Variants in HDAC9 observed in about 807,000 individuals in gnomAD.
HDAC9 encodes the protein histone deacetylase 9.
In HDAC9, 41 loss-of-function variants were observed where a neutral mutation model predicts 139.4. The observed-to-expected ratio is 0.29, with a 90% CI of 0.23 to 0.38. The LOEUF is 0.38. Among genes scored for constraint, HDAC9 ranks in the 10% least tolerant of loss-of-function variants. HDAC9 has a pLI of 1.00. For synonymous variants in HDAC9, 517 were observed against 476.2 expected, an observed-to-expected ratio of 1.09 and a Z score of -1.12; for missense variants, 1,147 against 1,297.0, an observed-to-expected ratio of 0.88 and a Z score of 1.78.
At chr7:18,231,247 G>T (rs1359389766) in intron 2 of HDAC9, among the ~76,000 whole-genome samples, 2 of 152,202 alleles carry the variant, frequency 1.3e-5, no homozygotes, top group African/African-American at 4.8e-5. Context: ...CATCCCACAA[G>T]AATTAAATTG....
At chr7:18,814,317 A>C (rs1221160839) in intron 17 of HDAC9, among the ~76,000 whole-genome samples, 1 of 152,216 alleles carries the variant, frequency 6.6e-6, no homozygotes, top group African/African-American at 2.4e-5. Flanking sequence ...GAATATTTAA[A>C]ATATAGAACA....
intron 6 of HDAC9, among the ~76,000 whole-genome samples, chr7:18,617,713 C>T (rs1839040019): frequency 6.6e-6 from 1 of 152,152 alleles, no homozygotes; most frequent in Non-Finnish European, 1.5e-5. Context: ...AGGACAGTAT[C>T]TTTAGCCTAT....
intron 1 of HDAC9, among the ~76,000 whole-genome samples, chr7:18,401,954 T>C (rs1191261576): frequency 6.6e-6 from 1 of 152,248 alleles, no homozygotes; most frequent in Non-Finnish European, 1.5e-5. Context: ...CACTGGCCTT[T>C]ATTTGCACAC....
chr7:18,285,788 G>T (rs17663430), upstream of HDAC9, among the ~76,000 whole-genome samples: 3,249 of 152,090 alleles, frequency 0.021, 51 homozygotes, highest in Middle Eastern at 0.038. Context: ...TGTTCCAGTG[G>T]TAGTTTTTCT....
chr7:18,330,311 A>G (rs1165808604), intron 1 of HDAC9, among the ~76,000 whole-genome samples: 3 of 151,510 alleles, frequency 2.0e-5, no homozygotes, highest in African/African-American at 7.3e-5. Flanking sequence ...ATTTGCCGGA[A>G]ATCTGAAACT....
intron 1 of HDAC9, among the ~76,000 whole-genome samples, chr7:18,137,517 G>A (rs975302100): frequency 2.0e-5 from 3 of 151,974 alleles, no homozygotes; most frequent in Admixed American, 6.6e-5. Flanking sequence ...AGCATGAAGG[G>A]TTGTTGAATT....
intron 2 of HDAC9, among the ~76,000 whole-genome samples, chr7:18,552,823 T>G (rs1259250981): frequency 6.6e-6 from 1 of 152,220 alleles, no homozygotes; most frequent in Non-Finnish European, 1.5e-5. Context: ...GAGGTAAACC[T>G]GTACCCGGCA....
chr7:18,686,356 T>A (rs903527816), intron 12 of HDAC9, among the ~76,000 whole-genome samples: 27 of 152,000 alleles, frequency 1.8e-4, no homozygotes, highest in African/African-American at 6.0e-4. Flanking sequence ...CTCCTATCAG[T>A]CAGGAAGTCA....
chr7:18,731,343 C>G (rs539966936), intron 13 of HDAC9, among the ~76,000 whole-genome samples: 1 of 151,924 alleles, frequency 6.6e-6, no homozygotes, highest in African/African-American at 2.4e-5. Flanking sequence ...TAAAGCTAGG[C>G]GGCTGGCTTA....
chr7:18,222,858 C>G (rs995948579), intron 2 of HDAC9, among the ~76,000 whole-genome samples: 2 of 152,104 alleles, frequency 1.3e-5, no homozygotes, highest in Non-Finnish European at 2.9e-5. Flanking sequence ...TTTTTGCACA[C>G]TTCTCTATTT....
chr7:18,677,641 T>C (rs534396486), intron 12 of HDAC9, among the ~76,000 whole-genome samples: 149 of 152,046 alleles, frequency 9.8e-4, no homozygotes, highest in Middle Eastern at 3.4e-3. Context: ...ACACTTGATA[T>C]TGTCGGGTTT....
At chr7:18,157,677 A>T (rs1181896195) in intron 1 of HDAC9, among the ~76,000 whole-genome samples, 1 of 152,214 alleles carries the variant, frequency 6.6e-6, no homozygotes, top group East Asian at 1.9e-4. Flanking sequence ...TAAGGTTTCC[A>T]TATTGGGTAA....
intron 23 of HDAC9, chr7:18,949,031 A>C: frequency 2.5e-6 from 1 of 404,658 alleles, no homozygotes; most frequent in Non-Finnish European, 4.7e-6. Flanking sequence ...ACTTGCTTGC[A>C]TTTTTGCTTT....
chr7:18,339,556 T>G (rs867732557), intron 1 of HDAC9, among the ~76,000 whole-genome samples: 1 of 151,512 alleles, frequency 6.6e-6, no homozygotes, highest in Non-Finnish European at 1.5e-5. Flanking sequence ...TCATTGTGTA[T>G]ATGTAGTTCA....
chr7:18,346,492 A>G (rs547611434), intron 1 of HDAC9, among the ~76,000 whole-genome samples: 114 of 152,206 alleles, frequency 7.5e-4, no homozygotes, highest in Non-Finnish European at 1.5e-3. Context: ...CCTTTCATTT[A>G]TGTTGAACTA....
intron 1 of HDAC9, among the ~76,000 whole-genome samples, chr7:18,409,283 G>T (rs776801972): frequency 7.2e-5 from 11 of 152,158 alleles, no homozygotes; most frequent in Non-Finnish European, 1.5e-4. Flanking sequence ...GGAGAGAGAT[G>T]TAAGTTCCTG....
intron 17 of HDAC9, among the ~76,000 whole-genome samples, chr7:18,806,198 T>C (rs1215055485): frequency 1.3e-5 from 2 of 152,206 alleles, no homozygotes; most frequent in East Asian, 1.9e-4. Context: ...CCATTCAATA[T>C]ATCAGTGCAT....
At chr7:18,455,997 G>A (rs759547348) in intron 1 of HDAC9, among the ~76,000 whole-genome samples, 19 of 152,046 alleles carry the variant, frequency 1.2e-4, no homozygotes, top group African/African-American at 4.6e-4. Context: ...TTACTTGCTA[G>A]GGAGATTTAA....
chr7:18,379,042 G>C (rs1324330614), intron 1 of HDAC9, among the ~76,000 whole-genome samples: 1 of 152,046 alleles, frequency 6.6e-6, no homozygotes, highest in African/African-American at 2.4e-5. Context: ...TACACATGAG[G>C]CTCTATGTTT....
Sources: allele counts gnomAD v4.1 joint callset (sites outside exome capture counted in the v4.1 genomes callset), GRCh38; gene constraint gnomAD v4.1.1; transcripts MANE v1.5; gene names NCBI Gene and HGNC (gene_info 2026-07-23, HGNC 2026-07-21).